The following SORCS1 variants were observed in gnomAD, a reference collection of about 807,000 sequenced individuals.
SORCS1 encodes sortilin related VPS10 domain containing receptor 1.
In SORCS1, 60 loss-of-function variants were observed where a neutral mutation model predicts 146.1. The observed-to-expected ratio is 0.41, with a 90% CI of 0.33 to 0.51. SORCS1 has a LOEUF of 0.51. Ranked by LOEUF, SORCS1 falls within the 20% of genes least tolerant of loss-of-function variation. SORCS1 has a pLI of 0.21. For missense variants in SORCS1, 1,352 were observed against 1,487.6 expected, an observed-to-expected ratio of 0.91 and a Z score of 1.50; for synonymous variants, 637 against 584.0, an observed-to-expected ratio of 1.09 and a Z score of -1.31.
chr10:106,844,492 T>A (rs572536836), intron 2 of SORCS1, among the ~76,000 whole-genome samples: 6 of 152,060 alleles, frequency 3.9e-5, no homozygotes, highest in Non-Finnish European at 8.8e-5. Flanking sequence ...TCATGTATGA[T>A]ATAAAATAAG....
intron 13 of SORCS1, among the ~76,000 whole-genome samples, chr10:106,675,561 C>T (rs910180888): frequency 6.6e-6 from 1 of 152,104 alleles, no homozygotes; most frequent in African/African-American, 2.4e-5. Context: ...TTCAACCAAC[C>T]CATCTCTAAG....
At chr10:106,724,257 C>G (rs1309711526) in intron 6 of SORCS1, among the ~76,000 whole-genome samples, 3 of 151,934 alleles carry the variant, frequency 2.0e-5, no homozygotes, top group African/African-American at 4.8e-5. Context: ...GCCTGTAATC[C>G]CAGCACTTTG....
chr10:106,885,505 G>A (rs1444631713), intron 2 of SORCS1, among the ~76,000 whole-genome samples: 1 of 152,142 alleles, frequency 6.6e-6, no homozygotes, highest in Non-Finnish European at 1.5e-5. Context: ...GATTTGGCAG[G>A]TCTTACAAGA....
chr10:107,133,826 C>A (rs183840365), intron 1 of SORCS1, among the ~76,000 whole-genome samples: 2 of 152,296 alleles, frequency 1.3e-5, no homozygotes, highest in East Asian at 3.9e-4. Context: ...AATGGAAGTC[C>A]AACAGATCCC....
intron 1 of SORCS1, among the ~76,000 whole-genome samples, chr10:107,122,770 C>G (rs1319017388): frequency 6.6e-6 from 1 of 152,040 alleles, no homozygotes; most frequent in Non-Finnish European, 1.5e-5. Flanking sequence ...CACTTGTCTT[C>G]TCTTCTGAAT....
intron 1 of SORCS1, among the ~76,000 whole-genome samples, chr10:106,998,319 T>C (rs1957082172): frequency 6.6e-6 from 1 of 152,238 alleles, no homozygotes; most frequent in Non-Finnish European, 1.5e-5. Context: ...CTGGCTTGAT[T>C]ACCTGAACTA....
chr10:106,849,084 G>T (rs934288976), intron 2 of SORCS1, among the ~76,000 whole-genome samples: 9 of 146,080 alleles, frequency 6.2e-5, no homozygotes, highest in African/African-American at 2.0e-4. Flanking sequence ...TCTTCTCGAG[G>T]AGTATCTTTG....
chr10:106,623,879 T>C (rs1283149004), intron 19 of SORCS1, among the ~76,000 whole-genome samples: 1 of 152,016 alleles, frequency 6.6e-6, no homozygotes, highest in Non-Finnish European at 1.5e-5. Flanking sequence ...GTACGGACTT[T>C]CACCATGTTG....
At chr10:106,963,298 G>A (rs905055721) in intron 1 of SORCS1, among the ~76,000 whole-genome samples, 2 of 151,836 alleles carry the variant, frequency 1.3e-5, no homozygotes, top group East Asian at 3.9e-4. Flanking sequence ...CGTATTTTTA[G>A]TAGAGACAGG....
intron 1 of SORCS1, among the ~76,000 whole-genome samples, chr10:107,006,078 C>A (rs1433519920): frequency 6.6e-6 from 1 of 152,190 alleles, no homozygotes; most frequent in African/African-American, 2.4e-5. Flanking sequence ...AGCTTTATTT[C>A]TTTATGCCTC....
At chr10:106,804,685 T>C (rs2136686522) in intron 3 of SORCS1, among the ~76,000 whole-genome samples, 1 of 152,292 alleles carries the variant, frequency 6.6e-6, no homozygotes, top group East Asian at 1.9e-4. Flanking sequence ...GCTTCAGTTA[T>C]CTAGGAAATC....
chr10:106,598,378 C>T (rs1480158059), intron 23 of SORCS1, among the ~76,000 whole-genome samples: 2 of 151,844 alleles, frequency 1.3e-5, no homozygotes, highest in African/African-American at 4.8e-5. Context: ...TCTCCTGCCT[C>T]AGCCTCCTGA....
chr10:106,911,841 G>A (rs773038405), intron 2 of SORCS1, among the ~76,000 whole-genome samples: 30 of 151,928 alleles, frequency 2.0e-4, no homozygotes, highest in Admixed American at 5.3e-4. Flanking sequence ...GACTGGGTGT[G>A]GTGGCTCACG....
chr10:106,670,734 G>A (rs111983097), intron 16 of SORCS1, among the ~76,000 whole-genome samples: 6 of 145,970 alleles, frequency 4.1e-5, no homozygotes, highest in African/African-American at 1.0e-4. Flanking sequence ...TCACTCTGAC[G>A]CCATGCTGGA....
intron 2 of SORCS1, among the ~76,000 whole-genome samples, chr10:106,872,949 C>T (rs907692297): frequency 2.0e-5 from 3 of 151,744 alleles, no homozygotes; most frequent in Non-Finnish European, 2.9e-5. Flanking sequence ...TCGAGGTGGG[C>T]GGATCACAAG....
intron 1 of SORCS1, among the ~76,000 whole-genome samples, chr10:106,970,334 CTCTT>C (rs1955713032): frequency 1.4e-5 from 1 of 73,622 alleles, no homozygotes; most frequent in Admixed American, 1.3e-4. Flanking sequence ...TAACCAACAT[CTCTT>C]TTTTTTTTTT....
chr10:106,962,644 C>T (rs1955290431), intron 1 of SORCS1, among the ~76,000 whole-genome samples: 1 of 152,130 alleles, frequency 6.6e-6, no homozygotes, highest in Non-Finnish European at 1.5e-5. Flanking sequence ...AGGTCCTAGT[C>T]TATAAAACAG....
chr10:107,032,874 A>G (rs1323280660), intron 1 of SORCS1, among the ~76,000 whole-genome samples: 5 of 152,186 alleles, frequency 3.3e-5, no homozygotes, highest in Admixed American at 2.6e-4. Context: ...TCAACCTAGC[A>G]ACAAGAATTG....
At chr10:106,748,131 C>T (rs150894903) in intron 5 of SORCS1, among the ~76,000 whole-genome samples, 42 of 152,154 alleles carry the variant, frequency 2.8e-4, no homozygotes, top group African/African-American at 9.4e-4. Flanking sequence ...CTTTTTATTG[C>T]TCTTCATAGA....
Sources: allele counts gnomAD v4.1 joint callset (sites outside exome capture counted in the v4.1 genomes callset), GRCh38; gene constraint gnomAD v4.1.1; transcripts MANE v1.5; gene names NCBI Gene and HGNC (gene_info 2026-07-23, HGNC 2026-07-21).